PARD3: variants seen among roughly 807,000 people sequenced by gnomAD.
The protein encoded by PARD3 is par-3 family cell polarity regulator, also known as partitioning defective 3 homolog.
A neutral mutation model predicts 155.4 loss-of-function variants in PARD3; 75 were observed. The observed-to-expected ratio is 0.48, with a 90% CI of 0.40 to 0.58. The LOEUF is 0.58. Among genes scored for constraint, PARD3 ranks in the 20% least tolerant of loss-of-function variants. PARD3 has a pLI of 0.00. For missense variants in PARD3, 1,642 were observed against 1,721.7 expected (o/e 0.95, Z 0.82); for synonymous variants, 576 against 610.5 (o/e 0.94, Z 0.83).
intron 9 of PARD3, among the ~76,000 whole-genome samples, chr10:34,381,531 C>G (rs1841823805): frequency 6.6e-6 from 1 of 152,038 alleles, no homozygotes; most frequent in Admixed American, 6.5e-5. Flanking sequence ...AGAACATGCT[C>G]TCTATACAGA....
intron 2 of PARD3, among the ~76,000 whole-genome samples, chr10:34,666,792 A>ATATATATATATAT (rs1564481465): frequency 1.1e-5 from 1 of 88,750 alleles, no homozygotes; most frequent in African/African-American, 5.9e-5. Flanking sequence ...AAAAAAAAAA[A>ATATATATATATAT]AAAAATATAT....
At position 34,455,827 on chromosome 10, in the gene PARD3, A is replaced by C. The variant is rs2077307869; in HGVS notation, c.583-5379T>G. On this transcript the variant is annotated intron_variant, in intron 4 of 24. Transcript: ENST00000374788. ...TCCTAAGTATAATGAACCAACTAAAAAGCAATATTTGAAATCCATGCAAAC... is the reference window on the plus strand; with the variant it reads ...TCCTAAGTATAATGAACCAACTAAACAGCAATATTTGAAATCCATGCAAAC... 3.3e-5 allele frequency among the ~76,000 whole-genome samples: 5 copies of C among 152,260 alleles called. No homozygotes were observed. The South Asian group carries it at 1.0e-3, about 32-fold the overall frequency.
chr10:34,787,306 G>T (rs1288549479), intron 1 of PARD3, among the ~76,000 whole-genome samples: 1 of 152,182 alleles, frequency 6.6e-6, no homozygotes. Flanking sequence ...TTGAACCCAG[G>T]AGGCGAAGGT....
intron 20 of PARD3, among the ~76,000 whole-genome samples, chr10:34,301,889 CTA>C (rs1957171130): frequency 7.1e-6 from 1 of 141,458 alleles, no homozygotes; most frequent in Non-Finnish European, 1.5e-5. Context: ...AGAAATACAT[CTA>C]TATGTCTCTG....
intron 21 of PARD3, among the ~76,000 whole-genome samples, chr10:34,270,613 A>T (rs1228888348): frequency 2.0e-5 from 3 of 152,208 alleles, no homozygotes; most frequent in Non-Finnish European, 4.4e-5. Context: ...TATATGTAAT[A>T]TATACCTATC....
At chr10:34,128,606 C>T (rs1360525401) in intron 23 of PARD3, among the ~76,000 whole-genome samples, 1 of 152,082 alleles carries the variant, frequency 6.6e-6, no homozygotes, top group African/African-American at 2.4e-5. Flanking sequence ...GGGGATGGTC[C>T]TCCAACCCCC....
At chr10:34,437,589 T>G (rs1297102447) in intron 5 of PARD3, among the ~76,000 whole-genome samples, 1 of 152,112 alleles carries the variant, frequency 6.6e-6, no homozygotes, top group Non-Finnish European at 1.5e-5. Context: ...AAAAAAAATT[T>G]GCCAGTTTGG....
At chr10:34,245,262 G>C (rs1953869537) in intron 22 of PARD3, among the ~76,000 whole-genome samples, 1 of 152,164 alleles carries the variant, frequency 6.6e-6, no homozygotes, top group South Asian at 2.1e-4. Context: ...GTTCCACACT[G>C]ATGAGAAGGC....
intron 22 of PARD3, among the ~76,000 whole-genome samples, chr10:34,156,674 CCTCA>C (rs1949020136): frequency 6.6e-6 from 1 of 152,142 alleles, no homozygotes; most frequent in African/African-American, 2.4e-5. Flanking sequence ...TAAGTCAAGC[CCTCA>C]CTAAGAGCGC....
At chr10:34,786,460 A>G (rs1840975380) in intron 1 of PARD3, among the ~76,000 whole-genome samples, 1 of 152,262 alleles carries the variant, frequency 6.6e-6, no homozygotes, top group African/African-American at 2.4e-5. Flanking sequence ...GTTAGGCCCC[A>G]TAAGAGAAAT....
In PARD3 at chr10:34,257,432, G is replaced by C. The variant is rs143439379; in HGVS notation, c.3419+12225C>G. Among the ~76,000 whole-genome samples, 1,183 of 152,330 alleles carry C rather than the reference G, an allele frequency of 7.8e-3. 15 individuals carry two copies. The highest frequency in any genetic ancestry group is 0.027 in the African/African-American group (1,137 of 41,574). On this transcript the variant is annotated intron_variant, in intron 22 of 24. Coordinates refer to ENST00000374788, the MANE Select transcript of PARD3 (RefSeq NM_001184785.2). ...TGATTAGGTCAAAATAAAAAGATGA[G>C]TTATCGTGCCAAATTGCACATGAAG...
chr10:34,228,907 CT>C (rs1459036670), intron 22 of PARD3, among the ~76,000 whole-genome samples: 1 of 151,896 alleles, frequency 6.6e-6, no homozygotes, highest in Non-Finnish European at 1.5e-5. Context: ...CTCTTTTTTG[CT>C]TTTTATTCCT....
intron 3 of PARD3, among the ~76,000 whole-genome samples, chr10:34,497,083 A>G (rs2080343808): frequency 6.6e-6 from 1 of 152,202 alleles, no homozygotes; most frequent in African/African-American, 2.4e-5. Context: ...GTAATAAAAA[A>G]TGAAATAATG....
At chr10:34,389,343 G>T (rs1166995760) in intron 7 of PARD3, among the ~76,000 whole-genome samples, 1 of 147,554 alleles carries the variant, frequency 6.8e-6, no homozygotes, top group Non-Finnish European at 1.5e-5. Flanking sequence ...TGCATAATTA[G>T]AATTTAACTA....
intron 22 of PARD3, among the ~76,000 whole-genome samples, chr10:34,184,608 T>G (rs1950404491): frequency 6.6e-6 from 1 of 152,090 alleles, no homozygotes; most frequent in African/African-American, 2.4e-5. Flanking sequence ...CAAAGTCTCT[T>G]TAACTAGGTC....
At chr10:34,326,475 GT>G (rs1200547157) in intron 19 of PARD3, among the ~76,000 whole-genome samples, 1 of 152,138 alleles carries the variant, frequency 6.6e-6, no homozygotes, top group Non-Finnish European at 1.5e-5. Flanking sequence ...AGTTTACAAA[GT>G]ACTCTGACTT....
At chr10:34,796,106 T>G (rs574314137) in intron 1 of PARD3, among the ~76,000 whole-genome samples, 1 of 152,202 alleles carries the variant, frequency 6.6e-6, no homozygotes, top group South Asian at 2.1e-4. Context: ...CTAAGTTCCA[T>G]GGAAAAGCTA....
intron 5 of PARD3, among the ~76,000 whole-genome samples, chr10:34,449,316 T>C (rs767291244): frequency 1.3e-5 from 2 of 151,924 alleles, no homozygotes; most frequent in Admixed American, 6.6e-5. Context: ...ATCTGTCAAT[T>C]ATACTTCAAT....
chr10:34,748,089 G>A (rs1460248161), intron 1 of PARD3, among the ~76,000 whole-genome samples: 2 of 152,178 alleles, frequency 1.3e-5, no homozygotes, highest in African/African-American at 4.8e-5. Context: ...CAGAAAATGC[G>A]GGAGGAGGTG....
Sources: gnomAD v4.1 joint callset for allele counts (sites outside exome capture counted in the v4.1 genomes callset) on GRCh38, gnomAD v4.1.1 for gene constraint, MANE v1.5 for transcripts, NCBI Gene and HGNC (gene_info 2026-07-23, HGNC 2026-07-21) for gene names.